Variants in CLMP observed in about 807,000 individuals in gnomAD.
CLMP encodes CXADR-like membrane protein.
CLMP carries 27 observed loss-of-function variants against 45.2 expected under a neutral mutation model. The observed-to-expected ratio is 0.60, with a 90% CI of 0.44 to 0.82. CLMP has a LOEUF of 0.82. Among genes scored for constraint, CLMP ranks in the 40% least tolerant of loss-of-function variants. The pLI, the probability that CLMP is intolerant of heterozygous loss-of-function variation, is 0.00. For missense variants in CLMP, 403 were observed against 448.4 expected (o/e 0.90, Z 0.91); for synonymous variants, 167 against 171.4 (o/e 0.97, Z 0.20).
chr11:123,101,766 C>G (rs980252384), intron 1 of CLMP, among the ~76,000 whole-genome samples: 4 of 152,238 alleles, frequency 2.6e-5, no homozygotes, highest in Non-Finnish European at 5.9e-5. Context: ...GATAACAGGC[C>G]TTGCCCAAAA....
chr11:123,129,279 G>A (rs568903964), intron 1 of CLMP, among the ~76,000 whole-genome samples: 13 of 150,738 alleles, frequency 8.6e-5, no homozygotes, highest in South Asian at 6.2e-4. Context: ...GCAGTGAGCC[G>A]AGATTGTACC....
intron 1 of CLMP, among the ~76,000 whole-genome samples, chr11:123,187,993 G>A (rs1334931857): frequency 6.6e-6 from 1 of 152,224 alleles, no homozygotes; most frequent in Non-Finnish European, 1.5e-5. Flanking sequence ...GAAATACACA[G>A]CAGCCAGCAC....
chr11:123,192,573 C>T (rs891627137), intron 1 of CLMP, among the ~76,000 whole-genome samples: 8 of 152,156 alleles, frequency 5.3e-5, no homozygotes, highest in Non-Finnish European at 1.5e-5. Flanking sequence ...CGGAACGTTA[C>T]GGGAGTGAGG....
At chr11:123,135,263 A>C (rs1196199780) in intron 1 of CLMP, among the ~76,000 whole-genome samples, 1 of 142,356 alleles carries the variant, frequency 7.0e-6, no homozygotes, top group Non-Finnish European at 1.5e-5. Flanking sequence ...CCGTCTCAAA[A>C]AAAAAAAAAA....
intron 1 of CLMP, among the ~76,000 whole-genome samples, chr11:123,144,972 T>A (rs947691172): frequency 6.6e-6 from 1 of 152,100 alleles, no homozygotes; most frequent in Non-Finnish European, 1.5e-5. Flanking sequence ...AATGGAGCAA[T>A]TGAAATGTGG....
rs1591445650 is a variant in CLMP at position 123,071,818 on chromosome 11, T to TA, written c.*1655dup. The TA allele has an allele frequency of 1.3e-5, 2 of 152,272 alleles. No homozygotes were observed. The highest frequency in any genetic ancestry group is 2.9e-5 in the Non-Finnish European group (2 of 68,058). The allele number at this position is 152,272 out of a possible 1,614,324, so 9.4% of individuals were successfully genotyped here. A position where few individuals can be genotyped will look rare whatever the true frequency, so the allele number is the denominator to read the frequency against. On this transcript the variant is annotated 3_prime_UTR_variant, in exon 7 of 7. Transcript: ENST00000448775. Reference sequence around the variant, plus strand: ...TGATTCAGGTCCAGCATTTGTGCTGTAGGTATCAAGAGTAATCAAAACTAT... The same window carrying TA: ...TGATTCAGGTCCAGCATTTGTGCTGTAAGGTATCAAGAGTAATCAAAACTAT...
intron 1 of CLMP, among the ~76,000 whole-genome samples, chr11:123,108,067 G>A (rs534450116): frequency 1.3e-5 from 2 of 152,142 alleles, no homozygotes; most frequent in Non-Finnish European, 2.9e-5. Flanking sequence ...AATTCTAGAC[G>A]GAGGGAGCAC....
rs564299939 is a variant in CLMP, at chr11:123,129,425, TA to T, written c.29-31474del. ...AATATATATCATATGATATATTATA[TA>T]AAATATATATCATATGATATATTAT... On this transcript the variant is annotated intron_variant, in intron 1 of 6. Coordinates refer to ENST00000448775, the MANE Select transcript of CLMP (RefSeq NM_024769.5). Among the ~76,000 whole-genome samples, 1,334 of 139,166 alleles carry T rather than the reference TA, an allele frequency of 9.6e-3. 47 individuals carry two copies. Among genetic ancestry groups the T allele is most frequent in the African/African-American group, 0.034 (1,241 of 36,276 alleles). The allele number at this position is 139,166 out of a possible 152,430, so 91.3% of individuals were successfully genotyped here. A position where few individuals can be genotyped will look rare whatever the true frequency, so the allele number is the denominator to read the frequency against.
At chr11:123,086,243 C>T (rs1455400240) in intron 2 of CLMP, among the ~76,000 whole-genome samples, 1 of 152,094 alleles carries the variant, frequency 6.6e-6, no homozygotes, top group Non-Finnish European at 1.5e-5. Flanking sequence ...GATTTATAAT[C>T]AAGTGAGATT....
chr11:123,123,676 T>C (rs1160743498), intron 1 of CLMP, among the ~76,000 whole-genome samples: 1 of 152,162 alleles, frequency 6.6e-6, no homozygotes, highest in Non-Finnish European at 1.5e-5. Context: ...AATGAGACCA[T>C]GTATTATGTA....
intron 1 of CLMP, among the ~76,000 whole-genome samples, chr11:123,144,514 G>A (rs1324110564): frequency 2.6e-5 from 4 of 152,130 alleles, no homozygotes; most frequent in Admixed American, 1.3e-4. Context: ...TGGCATTACA[G>A]GCATGTGCCA....
intron 2 of CLMP, among the ~76,000 whole-genome samples, chr11:123,095,616 G>A (rs536338376): frequency 2.6e-5 from 4 of 152,266 alleles, no homozygotes; most frequent in African/African-American, 9.6e-5. Context: ...AGGCGCCATG[G>A]TAATAGGTAT....
At chr11:123,141,312 G>A (rs139532914) in intron 1 of CLMP, among the ~76,000 whole-genome samples, 1,575 of 150,252 alleles carry the variant, frequency 0.01, 23 homozygotes, top group African/African-American at 0.036. Flanking sequence ...AGCCTCCCGA[G>A]TAGCTGGGAC....
chr11:123,122,666 A>C (rs915593659), intron 1 of CLMP, among the ~76,000 whole-genome samples: 1 of 152,244 alleles, frequency 6.6e-6, no homozygotes, highest in African/African-American at 2.4e-5. Flanking sequence ...AAGGTAGCAG[A>C]GAAACGTGAA....
chr11:123,112,261 A>AT (rs1860649283), intron 1 of CLMP, among the ~76,000 whole-genome samples: 2 of 152,186 alleles, frequency 1.3e-5, no homozygotes, highest in Non-Finnish European at 2.9e-5. Context: ...TAGAATCTCA[A>AT]GCTTGGGCAG....
chr11:123,137,185 G>C (rs1383454052), intron 1 of CLMP, among the ~76,000 whole-genome samples: 1 of 112,340 alleles, frequency 8.9e-6, no homozygotes, highest in African/African-American at 3.6e-5. Flanking sequence ...ATGGAGTCTC[G>C]CTCTGTCGCC....
chr11:123,159,062 G>A (rs1313581503), intron 1 of CLMP, among the ~76,000 whole-genome samples: 4 of 152,284 alleles, frequency 2.6e-5, no homozygotes, highest in Middle Eastern at 3.4e-3. Flanking sequence ...TTGCTATGTA[G>A]GCCTAGTTCT....
intron 1 of CLMP, among the ~76,000 whole-genome samples, chr11:123,139,349 A>G (rs889184569): frequency 6.6e-6 from 1 of 152,134 alleles, no homozygotes; most frequent in Admixed American, 6.5e-5. Context: ...AAAATAAAAC[A>G]GAAGAAACAG....
rs780356884 is a variant in CLMP at position 123,073,632 on chromosome 11, C to T, written c.964G>A (p.Ala322Thr). 23 of 1,614,116 alleles carry T rather than the reference C, an allele frequency of 1.4e-5. No homozygotes were observed. Among genetic ancestry groups the T allele is most frequent in the African/African-American group, 4.0e-5 (3 of 74,940 alleles). The change falls in exon 7 of 7, where the codon GCA (alanine) becomes ACA (threonine). Residue 322 changes from alanine to threonine, a missense_variant. Coordinates refer to ENST00000448775, the MANE Select transcript of CLMP (RefSeq NM_024769.5). ...GTGGCCAGCCCTGGCTGGGGTGCTG[C>T]GTCAGTTGACAGTGTCCGCTGGCTG... ...SRSQRTLSTD[A>T]APQPGLATQA...
Sources: gnomAD v4.1 joint callset for allele counts (sites outside exome capture counted in the v4.1 genomes callset) on GRCh38, gnomAD v4.1.1 for gene constraint, MANE v1.5 for transcripts, NCBI Gene and HGNC (gene_info 2026-07-23, HGNC 2026-07-21) for gene names.